CNTNAP2: variants seen among roughly 807,000 people sequenced by gnomAD.
The protein encoded by CNTNAP2 is contactin-associated protein-like 2.
Under a neutral mutation model 155.2 loss-of-function variants are expected in CNTNAP2, and 98 were observed. The observed-to-expected ratio is 0.63, with a 90% CI of 0.54 to 0.75. The LOEUF is 0.75. CNTNAP2 is among the 30% of genes least tolerant of loss of function. The probability of loss-of-function intolerance (pLI) is 0.00; values close to 1 mark genes in which losing one functional copy is unlikely to be tolerated. For missense variants in CNTNAP2, 1,727 were observed against 1,688.1 expected (o/e 1.02, Z -0.40); for synonymous variants, 651 against 631.2 (o/e 1.03, Z -0.47).
At chr7:146,282,990 T>C (rs1229777460) in intron 1 of CNTNAP2, among the ~76,000 whole-genome samples, 1 of 152,198 alleles carries the variant, frequency 6.6e-6, no homozygotes, top group Non-Finnish European at 1.5e-5. Context: ...TTCAAATATT[T>C]ATAAAACGCT....
At chr7:148,314,427 A>G (rs1165368341) in intron 21 of CNTNAP2, among the ~76,000 whole-genome samples, 1 of 152,202 alleles carries the variant, frequency 6.6e-6, no homozygotes, top group Non-Finnish European at 1.5e-5. Flanking sequence ...GCGGCATTGC[A>G]GAAGAAAATA....
intron 9 of CNTNAP2, among the ~76,000 whole-genome samples, chr7:147,357,791 T>A (rs1280052682): frequency 2.6e-5 from 4 of 152,060 alleles, no homozygotes; most frequent in Non-Finnish European, 5.9e-5. Context: ...GTTTCTGGAG[T>A]GCAGGATTTT....
chr7:146,754,214 T>A (rs554323220), intron 1 of CNTNAP2, among the ~76,000 whole-genome samples: 2 of 152,144 alleles, frequency 1.3e-5, no homozygotes, highest in South Asian at 4.1e-4. Context: ...AAATGCTATT[T>A]CTTCCAGAGA....
intron 5 of CNTNAP2, among the ~76,000 whole-genome samples, chr7:147,117,300 A>C (rs770324469): frequency 6.6e-6 from 1 of 152,114 alleles, no homozygotes; most frequent in Non-Finnish European, 1.5e-5. Flanking sequence ...TGGGCTCACA[A>C]GATCTCCTAA....
At chr7:147,728,547 T>C (rs948073573) in intron 13 of CNTNAP2, among the ~76,000 whole-genome samples, 14 of 152,032 alleles carry the variant, frequency 9.2e-5, no homozygotes, top group Non-Finnish European at 1.9e-4. Context: ...GTTTCTTTCA[T>C]TGTGAAATTT....
At chr7:148,247,532 T>G (rs1796284291) in intron 20 of CNTNAP2, among the ~76,000 whole-genome samples, 1 of 152,074 alleles carries the variant, frequency 6.6e-6, no homozygotes, top group Non-Finnish European at 1.5e-5. Flanking sequence ...TCTTTGTTTT[T>G]CTTTGCAATA....
rs1038486670 is a variant in CNTNAP2 at position 146,856,726 on chromosome 7, G to A, written c.402+16822G>A. Among the ~76,000 whole-genome samples, 19 of 152,272 alleles carry A rather than the reference G, an allele frequency of 1.2e-4. No individual in the cohort carries two copies. In the East Asian group the frequency reaches 2.5e-3, roughly 20 times the overall value. On this transcript the variant is annotated intron_variant, in intron 3 of 23. Coordinates refer to ENST00000361727, the MANE Select transcript of CNTNAP2 (RefSeq NM_014141.6). ...AGTGGACTGAGAAGGACCCAACACC[G>A]TGCATGTAGTGTCCCATGAAGAATG...
chr7:147,083,580 A>G (rs11976607), intron 4 of CNTNAP2, among the ~76,000 whole-genome samples: 1 of 136,490 alleles, frequency 7.3e-6, no homozygotes, highest in African/African-American at 3.1e-5. Flanking sequence ...ATATATGTAT[A>G]TATATATACA....
At chr7:146,821,245 G>A (rs1381835306) in intron 2 of CNTNAP2, among the ~76,000 whole-genome samples, 1 of 152,154 alleles carries the variant, frequency 6.6e-6, no homozygotes, top group East Asian at 1.9e-4. Flanking sequence ...AGTTGATGCA[G>A]TTTCTTCCTA....
At chr7:147,797,863 A>G (rs1217292202) in intron 13 of CNTNAP2, among the ~76,000 whole-genome samples, 1 of 152,186 alleles carries the variant, frequency 6.6e-6, no homozygotes, top group Non-Finnish European at 1.5e-5. Context: ...ACTAAAACAA[A>G]TAGATTAAAA....
chr7:147,068,319 A>G (rs374936239), intron 4 of CNTNAP2, among the ~76,000 whole-genome samples: 8 of 152,262 alleles, frequency 5.3e-5, no homozygotes, highest in African/African-American at 1.9e-4. Context: ...TTTATAGACA[A>G]GATTAAACTC....
intron 12 of CNTNAP2, among the ~76,000 whole-genome samples, chr7:147,627,254 C>G (rs1462818829): frequency 6.6e-6 from 1 of 152,122 alleles, no homozygotes; most frequent in Non-Finnish European, 1.5e-5. Context: ...TGTAACAAAA[C>G]AAGGTTCTAT....
chr7:146,666,378 T>A lies in CNTNAP2; in HGVS notation c.98-107893T>A, dbSNP rs554160955. ...TATTCTGTTGTGTATATACACCACA[T>A]TTTCTTTATCCATTCTTCTCTTATT... On this transcript the variant is annotated intron_variant, in intron 1 of 23. Coordinates refer to ENST00000361727, the MANE Select transcript of CNTNAP2 (RefSeq NM_014141.6). 4.9e-4 allele frequency among the ~76,000 whole-genome samples: 74 copies of A among 152,296 alleles called. 1 individual carries two copies. In the East Asian group the frequency reaches 0.011, roughly 22 times the overall value.
intron 12 of CNTNAP2, among the ~76,000 whole-genome samples, chr7:147,635,935 T>C (rs187979432): frequency 5.6e-4 from 86 of 152,292 alleles, no homozygotes; most frequent in African/African-American, 2.0e-3. Flanking sequence ...TGTCAGACAC[T>C]AGAAAGTTTT....
At chr7:146,267,604 C>T (rs546706406) in intron 1 of CNTNAP2, among the ~76,000 whole-genome samples, 13 of 152,214 alleles carry the variant, frequency 8.5e-5, no homozygotes, top group East Asian at 3.9e-4. Flanking sequence ...CAGGGAACTG[C>T]GTTGGCCTTT....
intron 1 of CNTNAP2, among the ~76,000 whole-genome samples, chr7:146,544,511 A>G (rs1248949089): frequency 1.3e-5 from 2 of 151,940 alleles, no homozygotes; most frequent in African/African-American, 2.4e-5. Flanking sequence ...AAATCTAACA[A>G]TTTTGCTTTT....
chr7:146,545,253 G>A (rs1584974290), intron 1 of CNTNAP2, among the ~76,000 whole-genome samples: 1 of 151,882 alleles, frequency 6.6e-6, no homozygotes, highest in South Asian at 2.1e-4. Flanking sequence ...TTTTGGAGAA[G>A]TGTAGGATGA....
chr7:147,140,402 A>G (rs1270336361), intron 8 of CNTNAP2, among the ~76,000 whole-genome samples: 1 of 151,852 alleles, frequency 6.6e-6, no homozygotes, highest in South Asian at 2.1e-4. Flanking sequence ...TCCTTCCCTC[A>G]TTCCAATCCT....
chr7:146,350,678 G>A (rs1366216188), intron 1 of CNTNAP2, among the ~76,000 whole-genome samples: 1 of 152,018 alleles, frequency 6.6e-6, no homozygotes, highest in Non-Finnish European at 1.5e-5. Context: ...CCCATTACTG[G>A]TTATATACCC....
Sources: gnomAD v4.1 joint callset for allele counts (sites outside exome capture counted in the v4.1 genomes callset) on GRCh38, gnomAD v4.1.1 for gene constraint, MANE v1.5 for transcripts, NCBI Gene and HGNC (gene_info 2026-07-23, HGNC 2026-07-21) for gene names.